The following SYT1 variants were observed in gnomAD, a reference collection of about 807,000 sequenced individuals.
SYT1 encodes synaptotagmin 1, also known as synaptotagmin-1.
Under a neutral mutation model 44.8 loss-of-function variants are expected in SYT1, and 8 were observed. The ratio of observed to expected loss-of-function variants is 0.18; its 90% CI spans 0.10 to 0.32. SYT1 has a LOEUF of 0.32. SYT1 is among the 10% of genes least tolerant of loss of function. The probability of loss-of-function intolerance (pLI) is 1.00; values close to 1 mark genes in which losing one functional copy is unlikely to be tolerated. For synonymous variants in SYT1, 154 were observed against 188.8 expected, an observed-to-expected ratio of 0.82 and a Z score of 1.51; for missense variants, 286 against 509.3, an observed-to-expected ratio of 0.56 and a Z score of 4.22.
chr12:79,237,701 C>G lies in SYT1; in HGVS notation c.166+20016C>G, dbSNP rs1876269425. 2.0e-5 allele frequency among the ~76,000 whole-genome samples: 3 copies of G among 152,082 alleles called. No homozygotes were observed. The South Asian group carries it at 6.2e-4, about 32-fold the overall frequency. ...AAAATGATTAAAGCAGGCAATCTAC[C>G]CTTATAGTGTTTTCAGTCTAATGGG... On this transcript the variant is annotated intron_variant, in intron 4 of 10. Coordinates refer to ENST00000261205, the MANE Select transcript of SYT1 (RefSeq NM_005639.3).
chr12:79,100,842 A>G (rs982273930), intron 3 of SYT1, among the ~76,000 whole-genome samples: 2 of 152,074 alleles, frequency 1.3e-5, no homozygotes, highest in Non-Finnish European at 2.9e-5. Flanking sequence ...ACTGTTTTTT[A>G]AAAACTTTGA....
intron 5 of SYT1, among the ~76,000 whole-genome samples, 200 bp downstream of exon 5, chr12:79,286,171 T>C (rs948890042): frequency 6.6e-6 from 1 of 152,170 alleles, no homozygotes; most frequent in Non-Finnish European, 1.5e-5. Flanking sequence ...CTCCTGAGCA[T>C]ATAGAACAGA....
At chr12:79,132,125 G>C (rs1343487625) in intron 3 of SYT1, among the ~76,000 whole-genome samples, 2 of 152,110 alleles carry the variant, frequency 1.3e-5, no homozygotes, top group Admixed American at 6.5e-5. Context: ...CCATTAAAAA[G>C]TATGCAAAGG....
At chr12:79,420,639 T>A (rs141585806) in intron 9 of SYT1, among the ~76,000 whole-genome samples, 1 of 152,208 alleles carries the variant, frequency 6.6e-6, no homozygotes, top group Non-Finnish European at 1.5e-5. Context: ...AAACACTTTT[T>A]CCAGTTCAAA....
intron 3 of SYT1, among the ~76,000 whole-genome samples, chr12:79,156,126 GTAT>G (rs996756500): frequency 2.6e-5 from 4 of 152,152 alleles, no homozygotes; most frequent in Admixed American, 1.3e-4. Flanking sequence ...GACAAGATGA[GTAT>G]TATTATTATT....
intron 1 of SYT1, among the ~76,000 whole-genome samples, chr12:78,905,945 G>A (rs1875957957): frequency 6.6e-6 from 1 of 151,902 alleles, no homozygotes. Context: ...ACACTGATGA[G>A]TTTTCCCTTC....
intron 4 of SYT1, among the ~76,000 whole-genome samples, chr12:79,235,325 G>T (rs1206221264): frequency 6.6e-6 from 1 of 152,000 alleles, no homozygotes; most frequent in African/African-American, 2.4e-5. Context: ...TATCATTGTG[G>T]TTTTAATGTG....
intron 3 of SYT1, among the ~76,000 whole-genome samples, chr12:79,200,152 A>C (rs949870991): frequency 3.9e-5 from 6 of 152,156 alleles, no homozygotes; most frequent in Admixed American, 6.6e-5. Context: ...ACAAGAAAGT[A>C]CCTTAACAAA....
At chr12:79,183,519 G>T (rs1872652818) in intron 3 of SYT1, among the ~76,000 whole-genome samples, 1 of 151,942 alleles carries the variant, frequency 6.6e-6, no homozygotes, top group Non-Finnish European at 1.5e-5. Context: ...AACCACCAAA[G>T]AATTATGTAG....
chr12:79,363,516 G>T (rs1361874287), intron 9 of SYT1, among the ~76,000 whole-genome samples: 1 of 151,554 alleles, frequency 6.6e-6, no homozygotes, highest in Non-Finnish European at 1.5e-5. Context: ...CTTGAGCCCA[G>T]GAGTTTGAGA....
chr12:78,949,477 T>TTA (rs35755623), intron 1 of SYT1, among the ~76,000 whole-genome samples: 13,732 of 144,018 alleles, frequency 0.095, 881 homozygotes, highest in East Asian at 0.3. Flanking sequence ...TATAGCTCAT[T>TTA]AAAAAAAAAA....
At chr12:79,045,276 A>C (rs532591793) in intron 2 of SYT1, among the ~76,000 whole-genome samples, 325 of 152,220 alleles carry the variant, frequency 2.1e-3, no homozygotes, top group African/African-American at 7.3e-3. Context: ...CAGCGAGACT[A>C]CGTGGGCGTA....
At chr12:79,112,306 C>G (rs957324523) in intron 3 of SYT1, among the ~76,000 whole-genome samples, 1 of 151,960 alleles carries the variant, frequency 6.6e-6, no homozygotes, top group Non-Finnish European at 1.5e-5. Context: ...AATAATGAGA[C>G]GTTGAGTAAA....
intron 2 of SYT1, among the ~76,000 whole-genome samples, chr12:79,034,688 CA>C (rs963631671): frequency 2.0e-5 from 3 of 151,636 alleles, no homozygotes; most frequent in Admixed American, 1.3e-4. Context: ...GCTGCTTCTC[CA>C]TAAATAGGCA....
At chr12:78,897,531 T>C (rs892190222) in intron 1 of SYT1, among the ~76,000 whole-genome samples, 2 of 152,022 alleles carry the variant, frequency 1.3e-5, no homozygotes, top group African/African-American at 4.8e-5. Context: ...CAGAGACATA[T>C]GTGAGACTTT....
chr12:78,867,857 T>A (rs985662283), intron 1 of SYT1, among the ~76,000 whole-genome samples: 1 of 151,950 alleles, frequency 6.6e-6, no homozygotes, highest in African/African-American at 2.4e-5. Context: ...AACTAAAAAA[T>A]AGTATTAATT....
chr12:78,993,338 T>C (rs866922231), intron 2 of SYT1, among the ~76,000 whole-genome samples: 2 of 152,250 alleles, frequency 1.3e-5, no homozygotes, highest in Non-Finnish European at 2.9e-5. Context: ...CTTGCATTTT[T>C]ATTTTCCATG....
chr12:78,915,767 A>G (rs1876617668), intron 1 of SYT1, among the ~76,000 whole-genome samples: 1 of 151,986 alleles, frequency 6.6e-6, no homozygotes, highest in Non-Finnish European at 1.5e-5. Context: ...TTACATTGAT[A>G]TTTAAAATGA....
chr12:79,260,914 C>G (rs1398732650), intron 4 of SYT1, among the ~76,000 whole-genome samples: 5 of 151,786 alleles, frequency 3.3e-5, no homozygotes, highest in African/African-American at 9.7e-5. Context: ...AGGATAAAAA[C>G]ATCTTGAGGA....
Sources: allele counts gnomAD v4.1 joint callset (sites outside exome capture counted in the v4.1 genomes callset), GRCh38; gene constraint gnomAD v4.1.1; transcripts MANE v1.5; gene names NCBI Gene and HGNC (gene_info 2026-07-23, HGNC 2026-07-21).